PTCH1: variants seen among roughly 807,000 people sequenced by gnomAD.
The protein encoded by PTCH1 is patched 1.
PTCH1 carries 14 observed loss-of-function variants against 144.6 expected under a neutral mutation model. That is an observed-to-expected ratio of 0.10 (90% confidence interval 0.06 to 0.15). The LOEUF is 0.15. Ranked by LOEUF, PTCH1 falls within the 10% of genes least tolerant of loss-of-function variation. PTCH1 has a pLI of 1.00. For missense variants in PTCH1, 1,623 were observed against 1,948.3 expected, an observed-to-expected ratio of 0.83 and a Z score of 3.14; for synonymous variants, 833 against 793.6, an observed-to-expected ratio of 1.05 and a Z score of -0.83.
At chr9:95,453,750 C>T in intron 19 of PTCH1, 130 bp from the exon 20 acceptor site, 1 of 1,246,074 alleles carries the variant, frequency 8.0e-7, no homozygotes, top group Non-Finnish European at 1.1e-6. Flanking sequence ...AATGTGTAAT[C>T]AGAGTAGCTC....
rs1841026402 is a variant in PTCH1 at position 95,476,236 on chromosome 9, C to T, written c.1603-77G>A. On this transcript the variant is annotated intron_variant, in intron 11 of 23. Transcript: ENST00000331920. The surrounding 1 kb of genome is among the most constrained non-coding windows in gnomAD (Gnocchi z 4.6). ...GGAGCACAGACTGTGTGAGCAGATA[C>T]GTGGCAGAATAACACAACTGTTATT... is the stretch of plus-strand genomic sequence containing the variant. The T allele has an allele frequency of 9.0e-6, 14 of 1,554,898 alleles. No individual in the cohort carries two copies. The highest frequency in any genetic ancestry group is 4.7e-5 in the South Asian group (4 of 85,398).
In PTCH1 at chr9:95,461,860, C is replaced by T. The variant is rs762152128; in HGVS notation, c.2699G>A (p.Ser900Asn). Reference protein sequence around the residue: ...TGSRDKPIDISQLTKQRLVDA... With the variant: ...TGSRDKPIDINQLTKQRLVDA... Reference sequence around the variant, plus strand: ...AGTGCCCAGCAGCTGGAGTACCTGGCTGATGTCGATGGGCTTATCGCGGCT... The same window carrying T: ...AGTGCCCAGCAGCTGGAGTACCTGGTTGATGTCGATGGGCTTATCGCGGCT... Residue 900 changes from serine (S) to asparagine (N), a missense_variant, in exon 16 of 24, where the codon AGC (serine) becomes AAC (asparagine). Physicochemically the swap from Ser to Asn is conservative, Grantham distance 46. Coordinates refer to ENST00000331920, the MANE Select transcript of PTCH1 (RefSeq NM_000264.5). 5 of 1,614,206 alleles carry T rather than the reference C, an allele frequency of 3.1e-6. No individual in the cohort carries two copies. Among genetic ancestry groups the T allele is most frequent in the Non-Finnish European group, 3.4e-6 (4 of 1,180,040 alleles).
chr9:95,465,692 T>C (rs917578304), intron 15 of PTCH1, among the ~76,000 whole-genome samples: 1 of 152,218 alleles, frequency 6.6e-6, no homozygotes, highest in Non-Finnish European at 1.5e-5. Context: ...AGTCTTTACA[T>C]ACAAGTGTAT....
chr9:95,454,429 G>A (rs1838740582), intron 19 of PTCH1, among the ~76,000 whole-genome samples: 1 of 152,232 alleles, frequency 6.6e-6, no homozygotes, highest in African/African-American at 2.4e-5. Flanking sequence ...CCTACCTGCA[G>A]AAGGACTGAG....
rs1840103199 is a variant in PTCH1, at chr9:95,467,339, G to A, written c.2337C>T (p.Asp779=). The change falls in exon 15 of 24, where the codon GAC becomes GAT. Residue 779 remains aspartate, a synonymous_variant. Coordinates refer to ENST00000331920, the MANE Select transcript of PTCH1 (RefSeq NM_000264.5). ...ATTCTCTGGTTTCCCGAGGTACAAT[G>A]TCCGTAAGGTCCAGCCCGTCTCTCA... ...TRVRDGLDLT[D]IVPRETREYD... 2 of 1,614,202 alleles carry A rather than the reference G, an allele frequency of 1.2e-6. No homozygotes were observed. Among genetic ancestry groups the A allele is most frequent in the Admixed American group, 3.3e-5 (2 of 60,022 alleles).
chr9:95,474,368 C>G (rs960874540), intron 12 of PTCH1, among the ~76,000 whole-genome samples: 4 of 152,078 alleles, frequency 2.6e-5, no homozygotes, highest in Non-Finnish European at 5.9e-5. Context: ...CAGACACACA[C>G]CTGCGCACAA....
chr9:95,449,075 G>T lies in PTCH1; in HGVS notation c.3798C>A (p.His1266Gln). 2 of 1,614,242 alleles carry T rather than the reference G, an allele frequency of 1.2e-6. No individual in the cohort carries two copies. The highest frequency in any genetic ancestry group is 1.7e-6 in the Non-Finnish European group (2 of 1,180,048). The change falls in exon 22 of 24, where the codon CAC (histidine) becomes CAA (glutamine). Residue 1266 changes from histidine to glutamine, a missense_variant. By Grantham distance (24) the His-to-Gln change is conservative. Transcript: ENST00000331920. The surrounding 1 kb of genome is among the most constrained non-coding windows in gnomAD (Gnocchi z 5.3). ...VEATENPVFA[H>Q]STVVHPESRH... ...GTTCTGCAGAGTCACTTACAGTGGA[G>T]TGGGCGAAGACGGGGTTTTCTGTGG...
Position 95,446,059 on chromosome 9 carries a change from T to G in PTCH1, c.*334A>C, listed in dbSNP as rs1588507013. 2.1e-5 allele frequency: 4 copies of G among 192,846 alleles called. No homozygotes were observed. In the East Asian group the frequency reaches 4.3e-4, roughly 21 times the overall value. 11.9% of individuals were successfully genotyped at this position (192,846 alleles called of 1,614,324 possible). A position where few individuals can be genotyped will look rare whatever the true frequency, so the allele number is the denominator to read the frequency against. Reference sequence around the variant, plus strand: ...AAGCAGCAGCAACATATGCTGAAATTTAAGACTAATGAAGCTTGGTTGTGG... The same window carrying G: ...AAGCAGCAGCAACATATGCTGAAATGTAAGACTAATGAAGCTTGGTTGTGG... On this transcript the variant is annotated 3_prime_UTR_variant, in exon 24 of 24. Transcript: ENST00000331920.
rs1347882326 is a variant in PTCH1 at position 95,476,150 on chromosome 9, C to T, written c.1612G>A (p.Gly538Arg). Residue 538 changes from glycine (G) to arginine (R), a missense_variant, in exon 12 of 24, where the codon GGG becomes AGG. Physicochemically the swap from Gly to Arg is moderately radical, Grantham distance 125. Transcript: ENST00000331920. This position sits in a 1 kb window ranked among gnomAD's most constrained non-coding sequence, Gnocchi z 4.6. The part of the protein sequence containing the change: ...NKRIPFEDRT[G>R]ECLKRTGASV... ...GCTCCTGTGCGCTTCAGGCACTCCC[C>T]GGTCCTGTCCTGGGAATAAAAAAAC... 2 of 1,612,018 alleles carry T rather than the reference C, an allele frequency of 1.2e-6. No homozygotes were observed. The highest frequency in any genetic ancestry group is 1.3e-5 in the African/African-American group (1 of 74,998).
intron 23 of PTCH1, 33 bp from the exon 24 acceptor site, chr9:95,446,424 G>A (rs759390288): frequency 1.9e-6 from 1 of 518,850 alleles, no homozygotes; most frequent in Admixed American, 1.9e-5. Context: ...AAGTTGAACA[G>A]AGTAAGAGGT....
intron 15 of PTCH1, among the ~76,000 whole-genome samples, chr9:95,463,829 G>C (rs1054838952): frequency 4.6e-5 from 7 of 152,188 alleles, no homozygotes; most frequent in African/African-American, 1.7e-4. Flanking sequence ...AACCCAGGCA[G>C]CAAGTCACCA....
upstream of PTCH1, chr9:95,514,260 G>C (rs1844271441): frequency 6.6e-6 from 1 of 152,174 alleles, no homozygotes; most frequent in Non-Finnish European, 1.5e-5. Flanking sequence ...TCCTCTCATG[G>C]ATAGAGATGT....
At chr9:95,506,632 C>A (rs1423698213) in intron 1 of PTCH1, 33 bp from the exon 2 acceptor site, 2 of 1,508,816 alleles carry the variant, frequency 1.3e-6, no homozygotes, top group Admixed American at 1.9e-5. Context: ...GAGTGAGCGC[C>A]GGGGAGTCGC....
Position 95,476,151 on chromosome 9 carries a change from G to A in PTCH1, c.1611C>T (p.Thr537=), listed in dbSNP as rs780344685. The change falls in exon 12 of 24, where the codon ACC becomes ACT. Residue 537 remains threonine (T), a synonymous_variant. Transcript: ENST00000331920. The surrounding 1 kb of genome is among the most constrained non-coding windows in gnomAD (Gnocchi z 4.6). ...CTCCTGTGCGCTTCAGGCACTCCCC[G>A]GTCCTGTCCTGGGAATAAAAAAACA... ...QNKRIPFEDR[T]GECLKRTGAS... is the part of the protein sequence containing the mutation. 7 of 1,611,902 alleles carry A rather than the reference G, an allele frequency of 4.3e-6. No homozygotes were observed. The highest frequency in any genetic ancestry group is 5.9e-6 in the Non-Finnish European group (7 of 1,179,208).
chr9:95,469,234 C>T (rs954832195), intron 13 of PTCH1, 81 bp from the exon 14 acceptor site: 30 of 1,554,862 alleles, frequency 1.9e-5, no homozygotes, highest in African/African-American at 8.1e-5. Context: ...TCACTGTGTA[C>T]GGAGAATACC....
At chr9:95,470,429 C>T (rs1026277459) in intron 12 of PTCH1, among the ~76,000 whole-genome samples, 5 of 152,174 alleles carry the variant, frequency 3.3e-5, no homozygotes, top group African/African-American at 1.2e-4. Context: ...TTAATAGGCA[C>T]ATTCCAAATT....
intron 15 of PTCH1, among the ~76,000 whole-genome samples, chr9:95,465,354 T>C (rs1312772625): frequency 1.3e-5 from 2 of 152,216 alleles, no homozygotes; most frequent in Non-Finnish European, 2.9e-5. Flanking sequence ...GTTATTTATA[T>C]GTCTTTGGTC....
rs1293146541 is a variant in PTCH1 at position 95,450,127 on chromosome 9, A to G, written c.3450-187T>C. 8 of 651,138 alleles carry G rather than the reference A, an allele frequency of 1.2e-5. No individual in the cohort carries two copies. The Admixed American group carries it at 1.6e-4, about 13-fold the overall frequency. The allele number at this position is 651,138 out of a possible 1,614,324, so 40.3% of individuals were successfully genotyped here. Reference sequence around the variant, plus strand: ...TTTTTGCTTTTTGTTTCTTTACCTTATGACTTTGAGGACTACATTCCACAA... The same window carrying G: ...TTTTTGCTTTTTGTTTCTTTACCTTGTGACTTTGAGGACTACATTCCACAA... On this transcript the variant is annotated intron_variant, in intron 20 of 23. Coordinates refer to ENST00000331920, the MANE Select transcript of PTCH1 (RefSeq NM_000264.5).
At chr9:95,506,310 G>C in intron 2 of PTCH1, 97 bp downstream of exon 2, 1 of 1,393,972 alleles carries the variant, frequency 7.2e-7, no homozygotes, top group Non-Finnish European at 9.8e-7. Flanking sequence ...GGTTTCGCCG[G>C]CCGCAGCCAG....
Sources: gnomAD v4.1 joint callset for allele counts (sites outside exome capture counted in the v4.1 genomes callset) on GRCh38, gnomAD v4.1.1 for gene constraint, Gnocchi (gnomAD v3.1) non-coding constraint, MANE v1.5 for transcripts, NCBI Gene and HGNC (gene_info 2026-07-23, HGNC 2026-07-21) for gene names.